Variants in DOCK4 observed in about 807,000 individuals in gnomAD.
DOCK4 encodes the protein dedicator of cytokinesis protein 4.
A neutral mutation model predicts 268.1 loss-of-function variants in DOCK4; 97 were observed. That is an observed-to-expected ratio of 0.36 (90% CI 0.31 to 0.43). DOCK4 has a LOEUF of 0.43. DOCK4 is among the 20% of genes least tolerant of loss of function. The pLI is 1.00. For synonymous variants in DOCK4, 954 were observed against 887.2 expected, an observed-to-expected ratio of 1.08 and a Z score of -1.34; for missense variants, 2,145 against 2,455.7, an observed-to-expected ratio of 0.87 and a Z score of 2.67.
intron 30 of DOCK4, among the ~76,000 whole-genome samples, chr7:111,804,690 C>T (rs1490288459): frequency 6.6e-5 from 10 of 151,978 alleles, no homozygotes; most frequent in Non-Finnish European, 1.3e-4. Flanking sequence ...ACCTCTGCCT[C>T]CCAGATTCAA....
chr7:112,200,237 T>G (rs1389765172), intron 1 of DOCK4, among the ~76,000 whole-genome samples: 1 of 152,186 alleles, frequency 6.6e-6, no homozygotes, highest in East Asian at 1.9e-4. Flanking sequence ...GAACATTACA[T>G]AGAGTATAAG....
intron 25 of DOCK4, among the ~76,000 whole-genome samples, chr7:111,835,791 G>A (rs889761912): frequency 2.0e-5 from 3 of 152,128 alleles, no homozygotes; most frequent in South Asian, 2.1e-4. Context: ...GCTGGGTGAG[G>A]AAAATTCAAT....
rs1554433348 is a variant in DOCK4, at chr7:112,066,699, A to ATGTATGTGTG, written c.38-62569_38-62568insCACACATACA. On this transcript the variant is annotated intron_variant, in intron 1 of 52. Transcript: ENST00000428084. ...TACATATATACATATACATATATAT[A>ATGTATGTGTG]TATATATATATATATATATATATAT... 6.1e-4 allele frequency among the ~76,000 whole-genome samples: 20 copies of ATGTATGTGTG among 32,832 alleles called. 1 individual carries two copies. The highest frequency in any genetic ancestry group is 2.0e-3 in the African/African-American group (20 of 10,058). 21.5% of individuals were successfully genotyped at this position (32,832 alleles called of 152,430 possible).
At chr7:112,037,893 T>A (rs931077022) in intron 1 of DOCK4, among the ~76,000 whole-genome samples, 2 of 152,222 alleles carry the variant, frequency 1.3e-5, no homozygotes, top group Non-Finnish European at 2.9e-5. Flanking sequence ...CATATCCTCA[T>A]ATAAACCTTA....
intron 5 of DOCK4, among the ~76,000 whole-genome samples, chr7:111,991,988 A>AAAAAAAGG (rs1799581134): frequency 5.9e-5 from 8 of 135,582 alleles, no homozygotes; most frequent in East Asian, 4.5e-4. Context: ...AAAAAAAAAA[A>AAAAAAAGG]GTGCCTGGCA....
chr7:111,764,803 CCCA>C (rs963514006), intron 39 of DOCK4, among the ~76,000 whole-genome samples: 4 of 151,844 alleles, frequency 2.6e-5, no homozygotes, highest in Non-Finnish European at 4.4e-5. Context: ...CCTGCAGTGC[CCCA>C]CCATTTTTTT....
intron 16 of DOCK4, among the ~76,000 whole-genome samples, chr7:111,881,554 T>A (rs1011610786): frequency 2.0e-5 from 3 of 152,168 alleles, no homozygotes; most frequent in Non-Finnish European, 2.9e-5. Flanking sequence ...ACCATGTGAT[T>A]TGGCCATCCC....
intron 23 of DOCK4, among the ~76,000 whole-genome samples, chr7:111,856,691 T>G (rs922644115): frequency 4.6e-5 from 7 of 151,866 alleles, no homozygotes; most frequent in African/African-American, 1.7e-4. Flanking sequence ...CACCCTAGAG[T>G]TTTTTCCCTT....
Position 111,728,290 on chromosome 7 carries a change from T to G in DOCK4, c.5912A>C (p.Lys1971Thr), listed in dbSNP as rs1276650687. 9 of 1,499,290 alleles carry G rather than the reference T, an allele frequency of 6.0e-6. No homozygotes were observed. Among genetic ancestry groups the G allele is most frequent in the Non-Finnish European group, 6.2e-6 (7 of 1,124,486 alleles). The allele number at this position is 1,499,290 out of a possible 1,614,324, so 92.9% of individuals were successfully genotyped here. Residue 1971 changes from lysine to threonine, a missense_variant, in exon 53 of 53, where the codon AAG (lysine) becomes ACG (threonine). Transcript: ENST00000428084. ...PGPRPRPLPR[K>T]VSQL ...AAAAGTGACTTATAACTGAGAGACC[T>G]TGCGGGGCAGGGGCCTGGGCCGCGG...
chr7:112,110,490 A>C (rs1350068154), intron 1 of DOCK4, among the ~76,000 whole-genome samples: 1 of 152,212 alleles, frequency 6.6e-6, no homozygotes, highest in Non-Finnish European at 1.5e-5. Flanking sequence ...TTACCCCTGC[A>C]TCAGTGCCCT....
chr7:111,769,492 C>T, intron 37 of DOCK4, 37 bp downstream of exon 37: 1 of 1,611,556 alleles, frequency 6.2e-7, no homozygotes, highest in East Asian at 2.2e-5. Flanking sequence ...AACACCATCA[C>T]CCCAGGAGGG....
At chr7:111,753,104 A>C (rs1292181765) in intron 42 of DOCK4, among the ~76,000 whole-genome samples, 1 of 151,746 alleles carries the variant, frequency 6.6e-6, no homozygotes, top group East Asian at 1.9e-4. Flanking sequence ...AGATTTTAGA[A>C]AGGCAGTATA....
intron 23 of DOCK4, among the ~76,000 whole-genome samples, chr7:111,861,045 T>C (rs1360479622): frequency 6.6e-6 from 1 of 152,176 alleles, no homozygotes; most frequent in African/African-American, 2.4e-5. Flanking sequence ...CAGCAATTCC[T>C]CTGAGACAGG....
At chr7:111,918,160 G>C (rs989183399) in intron 12 of DOCK4, among the ~76,000 whole-genome samples, 6 of 152,202 alleles carry the variant, frequency 3.9e-5, no homozygotes, top group African/African-American at 1.4e-4. Flanking sequence ...CCAAATCGGA[G>C]CTAGATGAGG....
intron 6 of DOCK4, 24 bp downstream of exon 6, chr7:111,988,991 C>G: frequency 6.3e-7 from 1 of 1,592,626 alleles, no homozygotes; most frequent in Non-Finnish European, 8.6e-7. Context: ...TACTAGAGGC[C>G]GCCCTGTGAT....
chr7:111,827,650 T>A (rs1802505719), intron 26 of DOCK4, among the ~76,000 whole-genome samples: 2 of 151,986 alleles, frequency 1.3e-5, no homozygotes, highest in Admixed American at 1.3e-4. Flanking sequence ...AGAATAGGCA[T>A]TACAGATAGA....
At chr7:112,196,993 G>A (rs1486707688) in intron 1 of DOCK4, among the ~76,000 whole-genome samples, 1 of 151,918 alleles carries the variant, frequency 6.6e-6, no homozygotes, top group Non-Finnish European at 1.5e-5. Flanking sequence ...TCACCACGCC[G>A]TACCACTGAA....
intron 42 of DOCK4, among the ~76,000 whole-genome samples, chr7:111,752,678 C>T (rs987115082): frequency 6.7e-6 from 1 of 148,904 alleles, no homozygotes; most frequent in African/African-American, 2.5e-5. Flanking sequence ...CCTCTGCCTC[C>T]CCGGTTCAAG....
At chr7:112,070,495 T>C (rs965083913) in intron 1 of DOCK4, among the ~76,000 whole-genome samples, 1 of 152,028 alleles carries the variant, frequency 6.6e-6, no homozygotes, top group Admixed American at 6.5e-5. Flanking sequence ...CTCAGGGAAA[T>C]AGGATTTAAG....
Sources: allele counts gnomAD v4.1 joint callset (sites outside exome capture counted in the v4.1 genomes callset), GRCh38; gene constraint gnomAD v4.1.1; transcripts MANE v1.5; gene names NCBI Gene and HGNC (gene_info 2026-07-23, HGNC 2026-07-21).